The following TEKTIP1 variants were observed in gnomAD, a reference collection of about 807,000 sequenced individuals.
The protein encoded by TEKTIP1 is tektin bundle interacting protein 1.
At chr19:3,542,370 G>C in the TEKTIP1 span, 1 of 985,300 alleles carries the variant, frequency 1.0e-6, no homozygotes, top group Non-Finnish European at 1.2e-6. Flanking sequence ...AGATTGTTTT[G>C]AACCCTGCTA....
At chr19:3,543,071 G>A in the TEKTIP1 span, 1 of 1,588,194 alleles carries the variant, frequency 6.3e-7, no homozygotes, top group Non-Finnish European at 8.5e-7. Context: ...CACCCACTCT[G>A]GGGTGAGGGG....
chr19:3,544,001 T>A, the TEKTIP1 span: 1 of 1,538,436 alleles, frequency 6.5e-7, no homozygotes, highest in Admixed American at 2.0e-5. Context: ...TCACACCCAC[T>A]CCCCGATAAA....
chr19:3,542,866 G>A, the TEKTIP1 span: 2 of 1,388,424 alleles, frequency 1.4e-6, no homozygotes, highest in Non-Finnish European at 9.7e-7. Flanking sequence ...GGCCAGGGGG[G>A]CTTCCCAGAG....
chr19:3,539,207 GC>G, the TEKTIP1 span: 1 of 1,549,194 alleles, frequency 6.5e-7, no homozygotes. Flanking sequence ...AGGCTGCACG[GC>G]CCTGTATCCC....
chr19:3,540,871 CAAA>C, the TEKTIP1 span, among the ~76,000 whole-genome samples: 16 of 61,060 alleles, frequency 2.6e-4, no homozygotes, highest in African/African-American at 8.1e-4. Context: ...AACTCCATCT[CAAA>C]AAAAAAAAAA....
the TEKTIP1 span, chr19:3,543,759 G>C: frequency 2.7e-6 from 4 of 1,489,700 alleles, no homozygotes; most frequent in South Asian, 5.3e-5. Context: ...TGCCCGGGGC[G>C]ATCCAGGAGC....
chr19:3,543,505 G>T, the TEKTIP1 span: 1 of 1,478,486 alleles, frequency 6.8e-7, no homozygotes, highest in Non-Finnish European at 9.1e-7. Context: ...CTGGGCAGCG[G>T]GCCTGCCAGA....
chr19:3,540,987 A>G, the TEKTIP1 span, among the ~76,000 whole-genome samples: 1 of 151,314 alleles, frequency 6.6e-6, no homozygotes, highest in Non-Finnish European at 1.5e-5. Context: ...TGGCCAAGGT[A>G]GTGAAACCCC....
At chr19:3,544,017 G>T in the TEKTIP1 span, 3 of 1,530,590 alleles carry the variant, frequency 2.0e-6, no homozygotes, top group South Asian at 3.7e-5. Context: ...ATAAAGGCAT[G>T]CTACCAGGAT....
At chr19:3,543,921 A>C in the TEKTIP1 span, 1 of 1,551,004 alleles carries the variant, frequency 6.4e-7, no homozygotes. Flanking sequence ...GCCCGGCACC[A>C]CCCAGAACTA....
At chr19:3,543,700 G>C in the TEKTIP1 span, 4 of 1,508,680 alleles carry the variant, frequency 2.7e-6, no homozygotes, top group Non-Finnish European at 3.6e-6. Context: ...GGTGCAGGGT[G>C]GGTCCTTGGG....
chr19:3,542,135 T>G, the TEKTIP1 span: 1 of 985,410 alleles, frequency 1.0e-6, no homozygotes. Flanking sequence ...TAATTGTGTT[T>G]TAAAAGCTAC....
the TEKTIP1 span, chr19:3,539,234 G>GGACCCTC: frequency 6.4e-7 from 1 of 1,550,806 alleles, no homozygotes; most frequent in African/African-American, 1.4e-5. Context: ...GGACCCTCGA[G>GGACCCTC]GCCAGCTTCC....
At chr19:3,543,635 G>A in the TEKTIP1 span, 1 of 1,544,294 alleles carries the variant, frequency 6.5e-7, no homozygotes, top group Non-Finnish European at 8.7e-7. Flanking sequence ...CACCCGGTGG[G>A]GGAGCGCGCT....
chr19:3,539,251 C>A, the TEKTIP1 span: 2 of 1,548,690 alleles, frequency 1.3e-6, no homozygotes, highest in Non-Finnish European at 1.7e-6. Context: ...TTCCCAGCAC[C>A]GCTGTACAGG....
At chr19:3,542,078 G>A in the TEKTIP1 span, 9 of 973,714 alleles carry the variant, frequency 9.2e-6, no homozygotes, top group Non-Finnish European at 1.1e-5. Flanking sequence ...CCAAAGTGCT[G>A]GGATTACAGG....
the TEKTIP1 span, among the ~76,000 whole-genome samples, chr19:3,540,920 C>CAG: frequency 3.4e-5 from 5 of 147,506 alleles, no homozygotes; most frequent in South Asian, 2.1e-4. Context: ...CCTGTAATCC[C>CAG]CACATTTTGG....
At chr19:3,542,922 C>G in the TEKTIP1 span, 5 of 1,449,552 alleles carry the variant, frequency 3.4e-6, no homozygotes, top group South Asian at 1.1e-5. Context: ...CTGTAGGAAT[C>G]CAGGAGTAGC....
chr19:3,541,865 G>C, the TEKTIP1 span: 24 of 914,520 alleles, frequency 2.6e-5, no homozygotes, highest in Non-Finnish European at 3.1e-5. Flanking sequence ...CTGGAGTGCA[G>C]TGACGCAATC....
Sources: allele counts gnomAD v4.1 joint callset (sites outside exome capture counted in the v4.1 genomes callset), GRCh38; gene constraint gnomAD v4.1.1; transcripts MANE v1.5; gene names NCBI Gene and HGNC (gene_info 2026-07-23, HGNC 2026-07-21).